ADD2: variants seen among roughly 807,000 people sequenced by gnomAD.
ADD2 encodes the protein adducin 2.
In ADD2, 23 loss-of-function variants were observed where a neutral mutation model predicts 83.0. That is an observed-to-expected ratio of 0.28 (90% CI 0.20 to 0.39). The LOEUF (loss-of-function observed/expected upper bound fraction) is 0.39, where lower values mean the gene tolerates loss of function less well. Among genes scored for constraint, ADD2 ranks in the 10% least tolerant of loss-of-function variants. ADD2 has a pLI of 1.00. For missense variants in ADD2, 758 were observed against 944.9 expected, an observed-to-expected ratio of 0.80 and a Z score of 2.59; for synonymous variants, 375 against 375.4, an observed-to-expected ratio of 1.00 and a Z score of 0.01.
chr2:70,747,585 T>C (rs919981934), intron 1 of ADD2, among the ~76,000 whole-genome samples: 3 of 152,142 alleles, frequency 2.0e-5, no homozygotes, highest in Non-Finnish European at 4.4e-5. Flanking sequence ...TGCTCTCCCA[T>C]CATGCTATAT....
chr2:70,749,200 A>T (rs1674383854), intron 1 of ADD2, among the ~76,000 whole-genome samples: 1 of 152,026 alleles, frequency 6.6e-6, no homozygotes, highest in African/African-American at 2.4e-5. Context: ...AAACCATTAG[A>T]TCTCATGAGA....
At chr2:70,747,239 T>G (rs1448059960) in intron 1 of ADD2, among the ~76,000 whole-genome samples, 3 of 152,158 alleles carry the variant, frequency 2.0e-5, no homozygotes, top group Non-Finnish European at 4.4e-5. Context: ...CTCGATCTCC[T>G]GACCTCAAGA....
chr2:70,704,263 T>TTGGGCC, intron 4 of ADD2, 58 bp downstream of exon 4: 8 of 913,230 alleles, frequency 8.8e-6, no homozygotes, highest in Non-Finnish European at 3.4e-6. Context: ...CTCCCTCTCT[T>TTGGGCC]CCCCACCCCA....
chr2:70,660,249 T>G lies in ADD2; in HGVS notation c.*3176A>C, dbSNP rs1675494499. Reference sequence around the variant, plus strand: ...CCAGCAATTCTACACCAAGACAAAATAAAACTGGAAACATTAGCTCTTTGA... The same window carrying G: ...CCAGCAATTCTACACCAAGACAAAAGAAAACTGGAAACATTAGCTCTTTGA... On this transcript the variant is annotated 3_prime_UTR_variant, in exon 16 of 16. Coordinates refer to ENST00000264436, the MANE Select transcript of ADD2 (RefSeq NM_001617.4). 6.6e-6 allele frequency: 1 copy of G among 152,158 alleles called. No individual in the cohort carries two copies. Among genetic ancestry groups the G allele is most frequent in the African/African-American group, 2.4e-5 (1 of 41,444 alleles). The allele number at this position is 152,158 out of a possible 1,614,324, so 9.4% of individuals were successfully genotyped here. A position where few individuals can be genotyped will look rare whatever the true frequency, so the allele number is the denominator to read the frequency against.
chr2:70,721,303 T>C (rs1672718288), intron 1 of ADD2, among the ~76,000 whole-genome samples: 1 of 152,276 alleles, frequency 6.6e-6, no homozygotes, highest in South Asian at 2.1e-4. Context: ...TTTATCACTT[T>C]GCATACTATC....
rs199611898 is a variant in ADD2, at chr2:70,688,126, T to G, written c.850-4A>C. ...CATGGTTTCTTAGCACCAGGATCTG[T>G]AGAGAAATAAATAGTCAATTAAAAC... is the stretch of plus-strand genomic sequence containing the variant. On this transcript the variant is annotated splice_polypyrimidine_tract_variant and splice_region_variant and intron_variant, in intron 8 of 15. Transcript: ENST00000264436. 186 of 1,612,516 alleles carry G rather than the reference T, an allele frequency of 1.2e-4. No homozygotes were observed. Among genetic ancestry groups the G allele is most frequent in the African/African-American group, 4.4e-4 (33 of 75,000 alleles).
At chr2:70,712,047 G>T (rs1672207120) in intron 2 of ADD2, among the ~76,000 whole-genome samples, 1 of 152,146 alleles carries the variant, frequency 6.6e-6, no homozygotes, top group African/African-American at 2.4e-5. Flanking sequence ...TGATGACAGG[G>T]AATTGGTGAC....
chr2:70,734,367 A>G (rs1673422680), intron 1 of ADD2, among the ~76,000 whole-genome samples: 1 of 151,452 alleles, frequency 6.6e-6, no homozygotes, highest in Non-Finnish European at 1.5e-5. Context: ...CACCCCCTCA[A>G]AGCACACACA....
At chr2:70,741,283 A>T (rs1481966330) in intron 1 of ADD2, 1 of 152,190 alleles carries the variant, frequency 6.6e-6, no homozygotes, top group Admixed American at 6.5e-5. Context: ...AAATTTTGAG[A>T]ATTACTGACA....
chr2:70,739,534 T>C (rs1273757428), intron 1 of ADD2, among the ~76,000 whole-genome samples: 2 of 152,248 alleles, frequency 1.3e-5, no homozygotes, highest in Non-Finnish European at 2.9e-5. Flanking sequence ...ATTACTGTTA[T>C]GTACCCAAAG....
At chr2:70,723,410 A>G (rs1672829881) in intron 1 of ADD2, among the ~76,000 whole-genome samples, 1 of 148,486 alleles carries the variant, frequency 6.7e-6, no homozygotes, top group Non-Finnish European at 1.5e-5. Flanking sequence ...TTTTTTTATC[A>G]CAGTCTGGAT....
intron 1 of ADD2, among the ~76,000 whole-genome samples, chr2:70,735,172 T>C (rs1352159028): frequency 3.3e-5 from 5 of 152,168 alleles, no homozygotes; most frequent in Non-Finnish European, 7.3e-5. Context: ...GATTGTTTTT[T>C]TGTCAGCACA....
intron 10 of ADD2, among the ~76,000 whole-genome samples, chr2:70,680,965 T>G (rs1471847976): frequency 1.3e-5 from 2 of 152,202 alleles, no homozygotes; most frequent in East Asian, 3.8e-4. Context: ...TAGTTTATAG[T>G]GTAAATGACG....
intron 2 of ADD2, among the ~76,000 whole-genome samples, chr2:70,712,271 C>T (rs781847528): frequency 7.9e-5 from 12 of 151,840 alleles, no homozygotes; most frequent in Non-Finnish European, 1.8e-4. Flanking sequence ...TGGTGAAACC[C>T]TGTCTCTATT....
chr2:70,678,644 T>A, intron 11 of ADD2, 60 bp downstream of exon 11: 1 of 1,505,594 alleles, frequency 6.6e-7, no homozygotes, highest in Non-Finnish European at 8.9e-7. Context: ...TTAAAAATGC[T>A]TCACCCTGCT....
At chr2:70,746,083 A>G (rs982075227) in intron 1 of ADD2, among the ~76,000 whole-genome samples, 1 of 152,256 alleles carries the variant, frequency 6.6e-6, no homozygotes, top group Non-Finnish European at 1.5e-5. Context: ...CTTGTAAAAT[A>G]GCACCCAATA....
intron 1 of ADD2, among the ~76,000 whole-genome samples, chr2:70,743,627 T>C (rs1361037528): frequency 6.6e-6 from 1 of 152,210 alleles, no homozygotes; most frequent in African/African-American, 2.4e-5. Flanking sequence ...GCCAGGTCTA[T>C]TTAAAAATAA....
intron 1 of ADD2, among the ~76,000 whole-genome samples, chr2:70,752,727 G>A (rs1674571807): frequency 6.6e-6 from 1 of 152,240 alleles, no homozygotes. Context: ...GGGTTGGTCT[G>A]AGACGCCTGT....
intron 2 of ADD2, among the ~76,000 whole-genome samples, chr2:70,711,659 T>C (rs890439769): frequency 2.6e-5 from 4 of 152,192 alleles, no homozygotes; most frequent in Admixed American, 6.5e-5. Flanking sequence ...GGGAGAGTTA[T>C]GGGCCTGGAT....
Sources: gnomAD v4.1 joint callset for allele counts (sites outside exome capture counted in the v4.1 genomes callset) on GRCh38, gnomAD v4.1.1 for gene constraint, MANE v1.5 for transcripts, NCBI Gene and HGNC (gene_info 2026-07-23, HGNC 2026-07-21) for gene names.